Variants in OSBPL2 observed in about 807,000 individuals in gnomAD.
OSBPL2 encodes the protein oxysterol-binding protein-related protein 2.
OSBPL2 carries 18 observed loss-of-function variants against 58.4 expected under a neutral mutation model. That is an observed-to-expected ratio of 0.31 (90% CI 0.21 to 0.46). The LOEUF (loss-of-function observed/expected upper bound fraction) is 0.46. Ranked by LOEUF, OSBPL2 falls within the 20% of genes least tolerant of loss-of-function variation. The pLI is 1.00. For synonymous variants in OSBPL2, 221 were observed against 234.1 expected (o/e 0.94, Z 0.51); for missense variants, 461 against 616.5 (o/e 0.75, Z 2.67).
chr20:62,289,463 A>G (rs1056037310), intron 12 of OSBPL2, 133 bp downstream of exon 12: 1 of 1,066,226 alleles, frequency 9.4e-7, no homozygotes, highest in Non-Finnish European at 1.3e-6. Context: ...CCCTAAACAA[A>G]CAGGCAGGCT....
chr20:62,258,310 G>A (rs548985659), intron 2 of OSBPL2, among the ~76,000 whole-genome samples: 2 of 152,110 alleles, frequency 1.3e-5, no homozygotes, highest in Non-Finnish European at 2.9e-5. Context: ...GTAGACTCTC[G>A]ACTCCTTCAC....
rs900987221 is a variant in OSBPL2, at chr20:62,261,399, G to A, written c.182+1274G>A. On this transcript the variant is annotated intron_variant, in intron 3 of 13. Coordinates refer to ENST00000313733, the MANE Select transcript of OSBPL2 (RefSeq NM_144498.4). ...GTGGCCCTGGAGCTGGTGGCATTGC[G>A]TTGCAGGCTCCAGGCACAGCCGCTA... Among the ~76,000 whole-genome samples the A allele has an allele frequency of 5.3e-5, 8 of 151,674 alleles. 1 individual carries two copies. Among genetic ancestry groups the A allele is most frequent in the African/African-American group, 4.8e-5 (2 of 41,372 alleles).
chr20:62,253,754 G>T (rs1980730253), intron 1 of OSBPL2, among the ~76,000 whole-genome samples: 1 of 147,400 alleles, frequency 6.8e-6, no homozygotes, highest in Admixed American at 6.8e-5. Flanking sequence ...GAGGGGGAGA[G>T]AGCACACTAA....
chr20:62,246,055 G>C (rs114151185), intron 1 of OSBPL2, among the ~76,000 whole-genome samples: 3 of 152,206 alleles, frequency 2.0e-5, no homozygotes, highest in African/African-American at 7.2e-5. Context: ...GCTGTGGCGC[G>C]GGGCCGGCTG....
At chr20:62,290,440 G>A (rs550992132) in intron 12 of OSBPL2, among the ~76,000 whole-genome samples, 2 of 120,690 alleles carry the variant, frequency 1.7e-5, no homozygotes, top group Admixed American at 9.0e-5. Flanking sequence ...TTTTTGAGAC[G>A]GAGTCTCACG....
intron 9 of OSBPL2, among the ~76,000 whole-genome samples, chr20:62,283,090 C>T (rs1044032409): frequency 4.6e-5 from 7 of 152,142 alleles, no homozygotes; most frequent in Admixed American, 1.3e-4. Context: ...TAGGCGGGGG[C>T]GCCGAGGCCA....
rs533022778 is a variant in OSBPL2 at position 62,261,621 on chromosome 20, CTG to C, written c.182+1499_182+1500del. Among the ~76,000 whole-genome samples, 81 of 152,340 alleles carry C rather than the reference CTG, an allele frequency of 5.3e-4. 1 individual carries two copies. The highest frequency in any genetic ancestry group is 1.2e-3 in the African/African-American group (51 of 41,578). On this transcript the variant is annotated intron_variant, in intron 3 of 13. Coordinates refer to ENST00000313733, the MANE Select transcript of OSBPL2 (RefSeq NM_144498.4). ...CATTCCCCGTTTTCTAGCCCTGACTCTGTGGTCGCTTTAAATGCTGTTAGGTC... is the reference window on the plus strand; with the variant it reads ...CATTCCCCGTTTTCTAGCCCTGACTCTGGTCGCTTTAAATGCTGTTAGGTC...
chr20:62,240,931 C>T (rs966476145), intron 1 of OSBPL2, among the ~76,000 whole-genome samples: 2 of 152,188 alleles, frequency 1.3e-5, no homozygotes, highest in South Asian at 2.1e-4. Flanking sequence ...TGCTGACAGG[C>T]GTACAGTCCA....
At chr20:62,260,230 C>T in intron 3 of OSBPL2, 105 bp downstream of exon 3, 1 of 1,097,310 alleles carries the variant, frequency 9.1e-7, no homozygotes, top group Non-Finnish European at 1.3e-6. Context: ...TGGAGTGGCA[C>T]CCCCACAGCT....
At chr20:62,249,224 C>A (rs1237392762) in intron 1 of OSBPL2, among the ~76,000 whole-genome samples, 2 of 149,290 alleles carry the variant, frequency 1.3e-5, no homozygotes, top group African/African-American at 4.9e-5. Flanking sequence ...CCCAACCCCC[C>A]AAAAAAAAAA....
intron 10 of OSBPL2, 119 bp from the exon 11 acceptor site, chr20:62,286,461 AAGG>A (rs1320426533): frequency 7.0e-6 from 8 of 1,139,900 alleles, no homozygotes; most frequent in East Asian, 2.4e-5. Flanking sequence ...AAAAAAAAAA[AAGG>A]AGAAGGCTGC....
At chr20:62,278,853 G>A (rs933506280) in intron 6 of OSBPL2, 12 of 350,408 alleles carry the variant, frequency 3.4e-5, no homozygotes, top group Middle Eastern at 8.3e-4. Context: ...TAGGCCGAGT[G>A]CGATGTCATG....
chr20:62,265,063 G>A (rs1479636214), intron 4 of OSBPL2, among the ~76,000 whole-genome samples: 1 of 152,152 alleles, frequency 6.6e-6, no homozygotes, highest in Non-Finnish European at 1.5e-5. Flanking sequence ...ATTTCTCTTT[G>A]TAATCAATGT....
chr20:62,241,358 A>C (rs1979722089), intron 1 of OSBPL2, among the ~76,000 whole-genome samples: 1 of 152,160 alleles, frequency 6.6e-6, no homozygotes, highest in African/African-American at 2.4e-5. Context: ...ACACCTGGCT[A>C]ATTTTGGGTC....
Position 62,295,287 on chromosome 20 carries a change from G to T in OSBPL2, c.*1400G>T, listed in dbSNP as rs781266661. 6.6e-6 allele frequency: 1 copy of T among 152,176 alleles called. No homozygotes were observed. The allele number at this position is 152,176 out of a possible 1,614,324, so 9.4% of individuals were successfully genotyped here. On this transcript the variant is annotated 3_prime_UTR_variant, in exon 14 of 14. Transcript: ENST00000313733. The surrounding 1 kb of genome is among the most constrained non-coding windows in gnomAD (Gnocchi z 4.8). ...TTTTTTCATGTAGAATTGTCAACAC[G>T]AGAGATCACAGTGGAGCACTTTGAA...
At position 62,294,144 on chromosome 20, in the gene OSBPL2, G is replaced by A. The variant is rs1488657833; in HGVS notation, c.*257G>A. On this transcript the variant is annotated 3_prime_UTR_variant, in exon 14 of 14. Transcript: ENST00000313733. ...AGGTTTCAACAGGGAAATTCTTCAC[G>A]GCGCCCTTTTATGTGGCAGAAATCA... is the stretch of plus-strand genomic sequence containing the variant. 2.2e-5 allele frequency: 12 copies of A among 533,726 alleles called. No individual in the cohort carries two copies. Among genetic ancestry groups the A allele is most frequent in the South Asian group, 5.0e-5 (2 of 40,044 alleles). 33.1% of individuals were successfully genotyped at this position (533,726 alleles called of 1,614,324 possible). A position where few individuals can be genotyped will look rare whatever the true frequency, so the allele number is the denominator to read the frequency against.
chr20:62,256,121 G>T lies in OSBPL2; in HGVS notation c.-64G>T. The T allele has an allele frequency of 6.4e-7, 1 of 1,555,534 alleles. No homozygotes were observed. Among genetic ancestry groups the T allele is most frequent in the Admixed American group, 1.7e-5 (1 of 59,210 alleles). On this transcript the variant is annotated 5_prime_UTR_variant, in exon 2 of 14. Transcript: ENST00000313733. ...TAAAATTCCTTACACTGTAGATGTG[G>T]ATCAGATACGATGATTCAGTAGAAG...
chr20:62,252,700 A>C (rs1321834615), intron 1 of OSBPL2, among the ~76,000 whole-genome samples: 1 of 152,194 alleles, frequency 6.6e-6, no homozygotes, highest in African/African-American at 2.4e-5. Context: ...AAGGTCGTTT[A>C]ATTAGGTCGC....
At chr20:62,285,366 C>T (rs1983046791) in intron 10 of OSBPL2, 1 of 152,224 alleles carries the variant, frequency 6.6e-6, no homozygotes, top group African/African-American at 2.4e-5. Context: ...TCGCCCCAGC[C>T]TCGGGCCATG....
Sources: allele counts gnomAD v4.1 joint callset (sites outside exome capture counted in the v4.1 genomes callset), GRCh38; gene constraint gnomAD v4.1.1; non-coding constraint Gnocchi (gnomAD v3.1); transcripts MANE v1.5; gene names NCBI Gene and HGNC (gene_info 2026-07-23, HGNC 2026-07-21).